The following CHD7 variants were observed in gnomAD, a reference collection of about 807,000 sequenced individuals.
The protein encoded by CHD7 is chromodomain helicase DNA binding protein 7, also known as ATP-dependent chromatin remodeler CHD7.
In CHD7, 24 loss-of-function variants were observed where a neutral mutation model predicts 307.3. The ratio of observed to expected loss-of-function variants is 0.08; its 90% CI spans 0.06 to 0.11. CHD7 has a LOEUF of 0.11. CHD7 is among the 10% of genes least tolerant of loss of function. The probability of loss-of-function intolerance (pLI) is 1.00; values close to 1 mark genes in which losing one functional copy is unlikely to be tolerated. For missense variants in CHD7, 3,106 were observed against 3,727.1 expected, an observed-to-expected ratio of 0.83 and a Z score of 4.34; for synonymous variants, 1,363 against 1,349.9, an observed-to-expected ratio of 1.01 and a Z score of -0.21.
At position 60,802,035 on chromosome 8, in the gene CHD7, A is replaced by G. The variant is rs575504018; in HGVS notation, c.2442+442A>G. Among the ~76,000 whole-genome samples the G allele has an allele frequency of 4.1e-4, 63 of 152,322 alleles. No homozygotes were observed. In the South Asian group the frequency reaches 6.6e-3, roughly 16 times the overall value. ...GTTTTGTAACATTTTCTCATATACA[A>G]TTGAATTATTCATTAGTGTCTTTCT... On this transcript the variant is annotated intron_variant, in intron 6 of 37. Coordinates refer to ENST00000423902, the MANE Select transcript of CHD7 (RefSeq NM_017780.4).
Position 60,841,847 on chromosome 8 carries a change from A to G in CHD7, c.4645A>G (p.Asn1549Asp), listed in dbSNP as rs770377705. The G allele has an allele frequency of 4.4e-6, 7 of 1,607,642 alleles. No homozygotes were observed. The highest frequency in any genetic ancestry group is 5.9e-6 in the Non-Finnish European group (7 of 1,176,484). The stretch of plus-strand genomic sequence containing the variant: ...AATGTATCTCCTCTTTTATTATTAG[A>G]ACAACCTGGTTATTGATACTCCAAG... ...ELDIDALNGR[N>D]NLVIDTPRVR... The change falls in exon 21 of 38, where the codon AAC (asparagine) becomes GAC (aspartate). Residue 1549 changes from asparagine (N) to aspartate (D), a missense_variant and splice_region_variant. Transcript: ENST00000423902.
intron 2 of CHD7, among the ~76,000 whole-genome samples, chr8:60,776,457 T>C (rs945089122): frequency 3.3e-5 from 5 of 152,362 alleles, no homozygotes; most frequent in African/African-American, 1.2e-4. Context: ...AGCATTTGCA[T>C]GCCTGCAGCC....
At chr8:60,679,373 G>A (rs1298415222) in intron 1 of CHD7, among the ~76,000 whole-genome samples, 4 of 145,600 alleles carry the variant, frequency 2.7e-5, no homozygotes, top group Non-Finnish European at 6.1e-5. Flanking sequence ...GCGGCGGCGG[G>A]GGCGCGCGGT....
At chr8:60,847,463 T>C (rs577402263) in intron 23 of CHD7, among the ~76,000 whole-genome samples, 21 of 152,364 alleles carry the variant, frequency 1.4e-4, no homozygotes, top group Non-Finnish European at 2.6e-4. Context: ...ATCATAGGGT[T>C]ATCGTGAAGA....
chr8:60,829,604 A>G (rs975909867), intron 14 of CHD7, among the ~76,000 whole-genome samples: 3 of 152,224 alleles, frequency 2.0e-5, no homozygotes, highest in Non-Finnish European at 2.9e-5. Context: ...TCATCTCAAA[A>G]AAAAGGAAAA....
intron 9 of CHD7, among the ~76,000 whole-genome samples, chr8:60,821,548 A>G (rs758844327): frequency 6.6e-6 from 1 of 151,610 alleles, no homozygotes; most frequent in Non-Finnish European, 1.5e-5. Context: ...ATATATGTAT[A>G]TATATAAGCA....
intron 2 of CHD7, among the ~76,000 whole-genome samples, chr8:60,766,134 G>A (rs528338841): frequency 3.3e-5 from 5 of 152,320 alleles, no homozygotes; most frequent in African/African-American, 7.2e-5. Context: ...GCTTTAATCT[G>A]TTGCTGTCAT....
At chr8:60,721,792 A>AG (rs1225468413) in intron 1 of CHD7, among the ~76,000 whole-genome samples, 2 of 152,276 alleles carry the variant, frequency 1.3e-5, no homozygotes, top group Admixed American at 1.3e-4. Context: ...GGGAGACTTG[A>AG]GGTAGGGATA....
intron 13 of CHD7, chr8:60,825,518 T>A (rs1804221020): frequency 6.6e-6 from 1 of 152,236 alleles, no homozygotes; most frequent in African/African-American, 2.4e-5. Context: ...AAAGAGAAAC[T>A]CTGTGTTTGT....
chr8:60,792,465 G>A (rs955981278), intron 3 of CHD7, among the ~76,000 whole-genome samples: 12 of 152,082 alleles, frequency 7.9e-5, no homozygotes, highest in South Asian at 2.1e-4. Context: ...TTAGCTGTCC[G>A]TTAACAACAT....
rs139566305 is a variant in CHD7 at position 60,754,857 on chromosome 8, C to T, written c.1665+11760C>T. ...GCATGCAAGAAGTTCATCCACTGACCTATAATATATGTAGTTCTACATAGA... is the reference window on the plus strand; with the variant it reads ...GCATGCAAGAAGTTCATCCACTGACTTATAATATATGTAGTTCTACATAGA... On this transcript the variant is annotated intron_variant, in intron 2 of 37. Coordinates refer to ENST00000423902, the MANE Select transcript of CHD7 (RefSeq NM_017780.4). 1.7e-3 allele frequency among the ~76,000 whole-genome samples: 257 copies of T among 152,272 alleles called. 1 individual carries two copies. The highest frequency in any genetic ancestry group is 5.8e-3 in the African/African-American group (243 of 41,566).
intron 2 of CHD7, among the ~76,000 whole-genome samples, chr8:60,747,943 G>A (rs1809417055): frequency 6.6e-6 from 1 of 152,232 alleles, no homozygotes; most frequent in South Asian, 2.1e-4. Context: ...CATCTAGCAA[G>A]TGTTCAGAAT....
intron 2 of CHD7, among the ~76,000 whole-genome samples, chr8:60,769,882 A>G (rs749653714): frequency 1.3e-5 from 2 of 152,244 alleles, no homozygotes; most frequent in Non-Finnish European, 2.9e-5. Context: ...CTTGTAGACA[A>G]AAATAAAGCC....
chr8:60,742,222 C>T lies in CHD7; in HGVS notation c.790C>T (p.Leu264Phe). ...GTTCCATCACCACCCCTCTACTGCT[C>T]TCCATGGAGAATCCGTTGCCCACAG... The part of the protein sequence containing the change: ...QQFHHHPSTA[L>F]HGESVAHSPR... Residue 264 changes from leucine (L) to phenylalanine (F), a missense_variant, in exon 2 of 38, where the codon CTC (leucine) becomes TTC (phenylalanine). Around this residue, in one of 10 missense-constraint regions of CHD7, gnomAD observed 998 missense variants for 1,004.5 expected, o/e 0.99. Coordinates refer to ENST00000423902, the MANE Select transcript of CHD7 (RefSeq NM_017780.4). The T allele has an allele frequency of 3.7e-6, 6 of 1,613,916 alleles. No homozygotes were observed. The highest frequency in any genetic ancestry group is 5.1e-6 in the Non-Finnish European group (6 of 1,179,882).
chr8:60,845,223 CTATTAT>C, intron 22 of CHD7, 21 bp from the exon 23 acceptor site: 4 of 1,596,512 alleles, frequency 2.5e-6, no homozygotes, highest in Non-Finnish European at 3.4e-6. Flanking sequence ...TAAAAGGCTT[CTATTAT>C]TATTATGATG....
intron 1 of CHD7, among the ~76,000 whole-genome samples, chr8:60,719,417 A>G (rs902040066): frequency 2.6e-5 from 4 of 152,118 alleles, no homozygotes; most frequent in Non-Finnish European, 4.4e-5. Context: ...AATATTTGAA[A>G]CGTGTGGGGG....
chr8:60,739,476 A>G (rs1034959318), intron 1 of CHD7, among the ~76,000 whole-genome samples: 2 of 152,240 alleles, frequency 1.3e-5, no homozygotes, highest in African/African-American at 4.8e-5. Context: ...AAATAGTTGT[A>G]TAGTAAAGCA....
In CHD7 at chr8:60,851,100, T is replaced by C; in HGVS notation, c.5603T>C (p.Ile1868Thr). 6.4e-7 allele frequency: 1 copy of C among 1,565,032 alleles called. No individual in the cohort carries two copies. The highest frequency in any genetic ancestry group is 1.4e-5 in the African/African-American group (1 of 73,868). ...ACCAGAACACCGTTCAAAGATGAAA[T>C]AGATGTATGAACTTGAGTATATTGG... is the stretch of plus-strand genomic sequence containing the variant. ...KPTRTPFKDE[I>T]DEFANSPSED... Residue 1868 changes from isoleucine to threonine, a missense_variant, in exon 27 of 38, where the codon ATA becomes ACA. Transcript: ENST00000423902.
At chr8:60,680,046 C>T (rs893777500) in intron 1 of CHD7, among the ~76,000 whole-genome samples, 3 of 151,692 alleles carry the variant, frequency 2.0e-5, no homozygotes, top group Non-Finnish European at 4.4e-5. Flanking sequence ...GCCGGGCCGC[C>T]GGCGGCGGCA....
Sources: allele counts gnomAD v4.1 joint callset (sites outside exome capture counted in the v4.1 genomes callset), GRCh38; gene constraint gnomAD v4.1.1; regional missense constraint gnomAD v4.1.1; transcripts MANE v1.5; gene names NCBI Gene and HGNC (gene_info 2026-07-23, HGNC 2026-07-21).